The following CYTH3 variants were observed in gnomAD, a reference collection of about 807,000 sequenced individuals.
The protein encoded by CYTH3 is cytohesin 3.
A neutral mutation model predicts 55.1 loss-of-function variants in CYTH3; 23 were observed. The observed-to-expected ratio is 0.42, with a 90% CI of 0.30 to 0.59. CYTH3 has a LOEUF of 0.59. CYTH3 is among the 20% of genes least tolerant of loss of function. The pLI is 0.20. For synonymous variants in CYTH3, 249 were observed against 194.9 expected, an observed-to-expected ratio of 1.28 and a Z score of -2.31; for missense variants, 413 against 524.8, an observed-to-expected ratio of 0.79 and a Z score of 2.08.
intron 1 of CYTH3, among the ~76,000 whole-genome samples, chr7:6,254,501 T>G (rs1261131455): frequency 6.6e-6 from 1 of 152,204 alleles, no homozygotes; most frequent in African/African-American, 2.4e-5. Context: ...TAGGCTGGAG[T>G]GCAGTGGCGT....
chr7:6,173,580 C>A, intron 6 of CYTH3, 73 bp downstream of exon 6: 1 of 958,088 alleles, frequency 1.0e-6, no homozygotes. Flanking sequence ...GTCAATTCAC[C>A]GCCACTGCTG....
chr7:6,166,476 T>C (rs1287102382), intron 9 of CYTH3, among the ~76,000 whole-genome samples: 1 of 152,238 alleles, frequency 6.6e-6, no homozygotes, highest in Non-Finnish European at 1.5e-5. Context: ...CTAGGCCCTC[T>C]CTGCCCCATG....
In CYTH3 at chr7:6,170,558, C is replaced by T. The variant is rs1783149937; in HGVS notation, c.800G>A (p.Arg267His). 5 of 1,613,826 alleles carry T rather than the reference C, an allele frequency of 3.1e-6. No individual in the cohort carries two copies. The highest frequency in any genetic ancestry group is 1.1e-5 in the South Asian group (1 of 91,084). ...DLTHTFFNPD[R>H]EGWLLKLGGR... ...ACCCAGCTTCAGGAGCCAGCCCTCG[C>T]GGTCGGGGTTGAAGAAGGTGTGGGT... Residue 267 changes from arginine (R) to histidine (H), a missense_variant, in exon 9 of 13, where the codon CGC (arginine) becomes CAC (histidine). Arg to His is a conservative substitution (Grantham distance 29, BLOSUM62 0). Coordinates refer to ENST00000350796, the MANE Select transcript of CYTH3 (RefSeq NM_004227.4). This position sits in a 1 kb window ranked among gnomAD's most constrained non-coding sequence, Gnocchi z 7.8.
chr7:6,205,351 T>A (rs142206856), intron 1 of CYTH3, among the ~76,000 whole-genome samples: 1 of 152,122 alleles, frequency 6.6e-6, no homozygotes, highest in African/African-American at 2.4e-5. Context: ...GGTGGGCAGA[T>A]CACCTGAGGT....
At chr7:6,215,506 C>T (rs1022560925) in intron 1 of CYTH3, among the ~76,000 whole-genome samples, 2 of 150,020 alleles carry the variant, frequency 1.3e-5, no homozygotes, top group African/African-American at 2.5e-5. Flanking sequence ...AGGAGAATGG[C>T]GTGAACCCAG....
intron 1 of CYTH3, among the ~76,000 whole-genome samples, chr7:6,222,031 C>G (rs1380245371): frequency 6.6e-6 from 1 of 152,186 alleles, no homozygotes; most frequent in Non-Finnish European, 1.5e-5. Flanking sequence ...CCTATACCCT[C>G]GTGACCAGAC....
intron 1 of CYTH3, among the ~76,000 whole-genome samples, chr7:6,208,189 G>C (rs184455714): frequency 6.6e-6 from 1 of 152,234 alleles, no homozygotes; most frequent in East Asian, 1.9e-4. Context: ...GATAAACTTA[G>C]CAATAAACTA....
intron 1 of CYTH3, among the ~76,000 whole-genome samples, chr7:6,205,875 TAAAAAA>T (rs370194149): frequency 0.013 from 355 of 28,048 alleles, 3 homozygotes; most frequent in African/African-American, 0.05. Context: ...TCCTATCTCT[TAAAAAA>T]AAAAAAAAAA....
At chr7:6,203,349 T>G (rs1784103402) in intron 1 of CYTH3, among the ~76,000 whole-genome samples, 1 of 152,218 alleles carries the variant, frequency 6.6e-6, no homozygotes, top group South Asian at 2.1e-4. Context: ...CCTCCATAGC[T>G]GTGAATCTGA....
At chr7:6,246,110 T>C (rs1779808330) in intron 1 of CYTH3, among the ~76,000 whole-genome samples, 1 of 152,090 alleles carries the variant, frequency 6.6e-6, no homozygotes, top group African/African-American at 2.4e-5. Context: ...TGAGACAGTC[T>C]TGCTCTGTCA....
intron 1 of CYTH3, among the ~76,000 whole-genome samples, chr7:6,268,126 A>T (rs970757039): frequency 3.3e-5 from 5 of 152,084 alleles, no homozygotes; most frequent in African/African-American, 1.2e-4. Context: ...AAACACAAGA[A>T]TGGGAGCACG....
At chr7:6,190,339 T>G (rs1325016733) in intron 2 of CYTH3, 110 bp downstream of exon 2, 43 of 912,194 alleles carry the variant, frequency 4.7e-5, no homozygotes, top group Non-Finnish European at 6.1e-5. Context: ...TTATTTTTTG[T>G]TTTTGGGTTT....
At chr7:6,172,501 G>A (rs776551623) in intron 6 of CYTH3, among the ~76,000 whole-genome samples, 2 of 152,148 alleles carry the variant, frequency 1.3e-5, no homozygotes, top group Non-Finnish European at 1.5e-5. Flanking sequence ...CAGGCTTGCC[G>A]TGCCCCTCAG....
chr7:6,270,376 C>T (rs970974374), intron 1 of CYTH3, among the ~76,000 whole-genome samples: 1 of 152,200 alleles, frequency 6.6e-6, no homozygotes, highest in African/African-American at 2.4e-5. Context: ...TGCTGGCTAG[C>T]ATTTTGATGG....
At chr7:6,199,936 G>C (rs950586720) in intron 1 of CYTH3, among the ~76,000 whole-genome samples, 1 of 152,000 alleles carries the variant, frequency 6.6e-6, no homozygotes, top group African/African-American at 2.4e-5. Flanking sequence ...AGAAATGAAA[G>C]GTGTATATAT....
At chr7:6,237,789 T>C (rs1779564247) in intron 1 of CYTH3, among the ~76,000 whole-genome samples, 1 of 152,210 alleles carries the variant, frequency 6.6e-6, no homozygotes, top group Non-Finnish European at 1.5e-5. Context: ...TCCACGTATA[T>C]GTCCAAGCAA....
rs1341107114 is a variant in CYTH3, at chr7:6,193,030, G to C, written c.35-2499C>G. ...TACTAAAAATACAAAAAATTAGCTG[G>C]GTGTAGTGGTGGGCGCCTGTAATCC... On this transcript the variant is annotated intron_variant, in intron 1 of 12. Transcript: ENST00000350796. Among the ~76,000 whole-genome samples the C allele has an allele frequency of 2.6e-5, 4 of 151,950 alleles. No homozygotes were observed. The South Asian group carries it at 8.3e-4, about 32-fold the overall frequency.
At chr7:6,262,824 CAGG>C (rs1780385018) in intron 1 of CYTH3, among the ~76,000 whole-genome samples, 1 of 152,192 alleles carries the variant, frequency 6.6e-6, no homozygotes, top group African/African-American at 2.4e-5. Flanking sequence ...GAGGCTGAGG[CAGG>C]AGGACTGCTT....
intron 1 of CYTH3, among the ~76,000 whole-genome samples, chr7:6,259,390 G>C (rs1302507026): frequency 6.6e-6 from 1 of 152,004 alleles, no homozygotes; most frequent in African/African-American, 2.4e-5. Flanking sequence ...CAGTGTTCCT[G>C]GTGACTTACT....
Sources: allele counts gnomAD v4.1 joint callset (sites outside exome capture counted in the v4.1 genomes callset), GRCh38; gene constraint gnomAD v4.1.1; non-coding constraint Gnocchi (gnomAD v3.1); transcripts MANE v1.5; gene names NCBI Gene and HGNC (gene_info 2026-07-23, HGNC 2026-07-21).